HS3ST4: variants seen among roughly 807,000 people sequenced by gnomAD.
HS3ST4 encodes the protein heparan sulfate glucosamine 3-O-sulfotransferase 4.
Under a neutral mutation model 29.2 loss-of-function variants are expected in HS3ST4, and 17 were observed. That is an observed-to-expected ratio of 0.58 (90% CI 0.40 to 0.87). The LOEUF (loss-of-function observed/expected upper bound fraction) is 0.87, where lower values mean the gene tolerates loss of function less well. Ranked by LOEUF, HS3ST4 falls within the 40% of genes least tolerant of loss-of-function variation. The probability of loss-of-function intolerance (pLI) is 0.00; values close to 1 mark genes in which losing one functional copy is unlikely to be tolerated. For synonymous variants in HS3ST4, 314 were observed against 285.7 expected, an observed-to-expected ratio of 1.10 and a Z score of -1.00; for missense variants, 627 against 634.5, an observed-to-expected ratio of 0.99 and a Z score of 0.13.
chr16:25,777,445 G>GTGTGTA (rs1966848605), intron 1 of HS3ST4, among the ~76,000 whole-genome samples: 2 of 150,090 alleles, frequency 1.3e-5, no homozygotes, highest in African/African-American at 4.9e-5. Context: ...GTGTGTGTGT[G>GTGTGTA]TGCACGTCCG....
intron 1 of HS3ST4, among the ~76,000 whole-genome samples, chr16:25,712,022 T>C (rs1387299446): frequency 6.6e-6 from 1 of 152,234 alleles, no homozygotes; most frequent in East Asian, 1.9e-4. Context: ...TGAAAGTATA[T>C]TATGACCATC....
intron 1 of HS3ST4, among the ~76,000 whole-genome samples, chr16:25,756,127 T>TACACAC (rs61054132): frequency 1.1e-4 from 16 of 140,756 alleles, no homozygotes; most frequent in African/African-American, 3.6e-4. Flanking sequence ...CACACACACA[T>TACACAC]ACACACACAC....
intron 1 of HS3ST4, among the ~76,000 whole-genome samples, chr16:25,884,109 G>A (rs1028191402): frequency 4.6e-5 from 7 of 150,780 alleles, no homozygotes; most frequent in Non-Finnish European, 8.8e-5. Context: ...GCGAGACTCT[G>A]TCTCAAAGAA....
At chr16:25,881,274 C>T (rs116859681) in intron 1 of HS3ST4, among the ~76,000 whole-genome samples, 14 of 151,908 alleles carry the variant, frequency 9.2e-5, no homozygotes, top group Non-Finnish European at 1.2e-4. Context: ...TTTGGTCTGT[C>T]GATATAAATT....
chr16:25,823,604 A>T (rs1967184854), intron 1 of HS3ST4, among the ~76,000 whole-genome samples: 1 of 152,186 alleles, frequency 6.6e-6, no homozygotes, highest in African/African-American at 2.4e-5. Context: ...TCTGTTGCCC[A>T]GACTGGAGTG....
intron 1 of HS3ST4, among the ~76,000 whole-genome samples, chr16:26,097,274 A>G (rs752976851): frequency 2.2e-4 from 34 of 152,218 alleles, no homozygotes; most frequent in South Asian, 2.1e-4. Context: ...TGCATTGTGA[A>G]GGCAATCCTA....
chr16:25,905,231 G>A (rs11862648), intron 1 of HS3ST4, among the ~76,000 whole-genome samples: 38,627 of 152,036 alleles, frequency 0.25, 5,967 homozygotes, highest in Middle Eastern at 0.39. Context: ...TTATCAAAAT[G>A]TTTTAAGCTA....
At chr16:25,928,264 C>T (rs1968428526) in intron 1 of HS3ST4, among the ~76,000 whole-genome samples, 1 of 151,608 alleles carries the variant, frequency 6.6e-6, no homozygotes, top group African/African-American at 2.4e-5. Context: ...ACTTGGGAGG[C>T]TGAGGTAGGA....
At chr16:25,981,655 A>AAT (rs1164850859) in intron 1 of HS3ST4, among the ~76,000 whole-genome samples, 2 of 41,468 alleles carry the variant, frequency 4.8e-5, no homozygotes, top group East Asian at 9.8e-4. Context: ...TCGCCCAGGC[A>AAT]ATGGTGGAGT....
chr16:25,909,783 A>C (rs1228493395), intron 1 of HS3ST4, among the ~76,000 whole-genome samples: 2 of 152,242 alleles, frequency 1.3e-5, no homozygotes, highest in African/African-American at 4.8e-5. Context: ...GCTTTATTTA[A>C]TGAGATCCCT....
intron 1 of HS3ST4, among the ~76,000 whole-genome samples, chr16:26,050,114 G>A (rs886313725): frequency 3.3e-5 from 5 of 152,154 alleles, no homozygotes; most frequent in Non-Finnish European, 7.3e-5. Context: ...ACTGGGAAGC[G>A]GGGCTGAAAG....
At chr16:26,105,440 G>A (rs1456414775) in intron 1 of HS3ST4, among the ~76,000 whole-genome samples, 2 of 152,112 alleles carry the variant, frequency 1.3e-5, no homozygotes, top group Non-Finnish European at 2.9e-5. Flanking sequence ...CCAAACTTTA[G>A]CATCATGCAA....
At chr16:26,016,494 A>G (rs569894066) in intron 1 of HS3ST4, among the ~76,000 whole-genome samples, 1 of 152,336 alleles carries the variant, frequency 6.6e-6, no homozygotes, top group South Asian at 2.1e-4. Context: ...ATACTTCTCT[A>G]TCATTAGCAT....
intron 1 of HS3ST4, among the ~76,000 whole-genome samples, chr16:25,946,342 C>G (rs1968626127): frequency 6.6e-6 from 1 of 152,206 alleles, no homozygotes; most frequent in South Asian, 2.1e-4. Context: ...TGCATTCGCA[C>G]CACACTGCTG....
intron 1 of HS3ST4, among the ~76,000 whole-genome samples, chr16:26,092,641 G>A (rs1898870727): frequency 6.6e-6 from 1 of 152,168 alleles, no homozygotes; most frequent in Non-Finnish European, 1.5e-5. Context: ...GGCTGAATAG[G>A]AACAGCTCCG....
Position 26,016,899 on chromosome 16 carries a change from A to G in HS3ST4, c.735-118713A>G, listed in dbSNP as rs547565332. ...CCTTAGAGTTAGACAGAGCCTTGACATTATCCCTGGCTAAGAGGCTGCAGG... is the reference window on the plus strand; with the variant it reads ...CCTTAGAGTTAGACAGAGCCTTGACGTTATCCCTGGCTAAGAGGCTGCAGG... On this transcript the variant is annotated intron_variant, in intron 1 of 1. Coordinates refer to ENST00000331351, the MANE Select transcript of HS3ST4 (RefSeq NM_006040.3). Among the ~76,000 whole-genome samples the G allele has an allele frequency of 5.8e-4, 88 of 152,322 alleles. 1 individual carries two copies. The highest frequency in any genetic ancestry group is 2.1e-3 in the African/African-American group (88 of 41,572).
intron 1 of HS3ST4, among the ~76,000 whole-genome samples, chr16:25,997,910 C>T (rs1382153411): frequency 6.6e-6 from 1 of 152,126 alleles, no homozygotes; most frequent in South Asian, 2.1e-4. Context: ...TTATCCTAGT[C>T]TTCCTCCAGA....
At chr16:25,839,597 G>A (rs990409327) in intron 1 of HS3ST4, among the ~76,000 whole-genome samples, 3 of 152,064 alleles carry the variant, frequency 2.0e-5, no homozygotes, top group African/African-American at 4.8e-5. Flanking sequence ...TATTTACATG[G>A]TCTTTTTCTT....
At chr16:25,862,100 A>G (rs1967643164) in intron 1 of HS3ST4, among the ~76,000 whole-genome samples, 1 of 152,160 alleles carries the variant, frequency 6.6e-6, no homozygotes, top group Admixed American at 6.5e-5. Context: ...TCTCATAAGG[A>G]GCACACAACC....
Sources: allele counts gnomAD v4.1 joint callset (sites outside exome capture counted in the v4.1 genomes callset), GRCh38; gene constraint gnomAD v4.1.1; transcripts MANE v1.5; gene names NCBI Gene and HGNC (gene_info 2026-07-23, HGNC 2026-07-21).